DNAH11: variants seen among roughly 807,000 people sequenced by gnomAD.
DNAH11 encodes dynein axonemal heavy chain 11.
A neutral mutation model predicts 526.0 loss-of-function variants in DNAH11; 442 were observed. The ratio of observed to expected loss-of-function variants is 0.84; its 90% confidence interval spans 0.78 to 0.91. The LOEUF is 0.91. Ranked by LOEUF, DNAH11 falls within the 40% of genes least tolerant of loss-of-function variation. The pLI is 0.00. For missense variants in DNAH11, 6,989 were observed against 5,448.7 expected (o/e 1.28, Z -8.90); for synonymous variants, 2,461 against 1,935.9 (o/e 1.27, Z -7.12).
rs776980207 is a variant in DNAH11, at chr7:21,600,042, G to T, written c.2923G>T (p.Glu975Ter). The change falls in exon 15 of 82, where the codon GAA (glutamate) becomes TAA (stop). Residue 975 changes from glutamate (E) to a stop codon, truncating the protein, a stop_gained. Transcript: ENST00000409508. LOFTEE classifies it high-confidence loss of function. ...GGATGGCTTCTATGATCTTGTAGAA[G>T]AAATGTTATGCAATAGTTTTAGAAT... ...AGDGFYDLVE[E>*]MLCNSFRMSA... 6.2e-7 allele frequency: 1 copy of T among 1,610,662 alleles called. No individual in the cohort carries two copies. The highest frequency in any genetic ancestry group is 1.7e-5 in the Admixed American group (1 of 59,812).
chr7:21,840,353 A>G (rs934097502), intron 65 of DNAH11, among the ~76,000 whole-genome samples: 4 of 152,254 alleles, frequency 2.6e-5, no homozygotes, highest in Non-Finnish European at 4.4e-5. Flanking sequence ...TATTTAAAAT[A>G]ATTTCAATTA....
rs532565326 is a variant in DNAH11 at position 21,706,250 on chromosome 7, G to A, written c.6546+713G>A. Among the ~76,000 whole-genome samples the A allele has an allele frequency of 2.0e-5, 3 of 151,944 alleles. No individual in the cohort carries two copies. The South Asian group carries it at 6.3e-4, about 32-fold the overall frequency. The stretch of plus-strand genomic sequence containing the variant: ...CTGCTTGATTTTGTTTGGTCTTACT[G>A]ACAGTCCTGGAAACATACTTATTTT... On this transcript the variant is annotated intron_variant, in intron 39 of 81. Transcript: ENST00000409508.
rs141907350 is a variant in DNAH11, at chr7:21,771,642, G to T, written c.9103-2124G>T. On this transcript the variant is annotated intron_variant, in intron 55 of 81. Coordinates refer to ENST00000409508, the MANE Select transcript of DNAH11 (RefSeq NM_001277115.2). ...TTGAGTTTATAACCATTCGATACTG[G>T]CACTCTGCTTATTTTTATTTTTGCC... is the stretch of plus-strand genomic sequence containing the variant. Among the ~76,000 whole-genome samples, 457 of 152,186 alleles carry T rather than the reference G, an allele frequency of 3.0e-3. 2 individuals carry two copies. Among genetic ancestry groups the T allele is most frequent in the Non-Finnish European group, 5.7e-3 (390 of 68,016 alleles).
chr7:21,543,455 G>A lies in DNAH11; in HGVS notation c.210G>A (p.Leu70=), dbSNP rs1398388466. ...TCGGCGGCCGCCTGGCGATGATGCTGGGGTTCACGGAGGAGAAATGGAGCC... is the reference window on the plus strand; with the variant it reads ...TCGGCGGCCGCCTGGCGATGATGCTAGGGTTCACGGAGGAGAAATGGAGCC... ...RFLGGRLAMM[L]GFTEEKWSQY... The change falls in exon 1 of 82, where the codon CTG becomes CTA. Residue 70 remains leucine, a synonymous_variant. Coordinates refer to ENST00000409508, the MANE Select transcript of DNAH11 (RefSeq NM_001277115.2). The A allele has an allele frequency of 2.5e-6, 4 of 1,573,784 alleles. No individual in the cohort carries two copies. The highest frequency in any genetic ancestry group is 2.3e-5 in the South Asian group (2 of 85,938).
chr7:21,650,953 T>TAA (rs749284977), intron 28 of DNAH11, among the ~76,000 whole-genome samples: 5,244 of 118,932 alleles, frequency 0.044, 306 homozygotes, highest in African/African-American at 0.16. Context: ...AACTGTTATT[T>TAA]TAAAAAAAAA....
intron 61 of DNAH11, among the ~76,000 whole-genome samples, chr7:21,793,804 A>G (rs1355495036): frequency 6.6e-6 from 1 of 152,176 alleles, no homozygotes. Flanking sequence ...ATTTCAGTCT[A>G]TCCACTTAGA....
Position 21,547,906 on chromosome 7 carries a change from T to C in DNAH11, c.495+2757T>C, listed in dbSNP as rs117132575. Among the ~76,000 whole-genome samples the C allele has an allele frequency of 2.6e-5, 4 of 152,366 alleles. No individual in the cohort carries two copies. The East Asian group carries it at 7.7e-4, about 29-fold the overall frequency. Reference sequence around the variant, plus strand: ...AGGAGAGCAACTTTAATTTGGTCTCTAATAGTAGCAGATTATTTTGCTAGT... The same window carrying C: ...AGGAGAGCAACTTTAATTTGGTCTCCAATAGTAGCAGATTATTTTGCTAGT... On this transcript the variant is annotated intron_variant, in intron 2 of 81. Transcript: ENST00000409508.
Position 21,711,837 on chromosome 7 carries a change from C to T in DNAH11, c.6960C>T (p.Asn2320=). ...CCAGAGCTGGTATTCTGTATGTGAACCCACAAGATCTGGGCTGGAATCCGT... is the reference window on the plus strand; with the variant it reads ...CCAGAGCTGGTATTCTGTATGTGAATCCACAAGATCTGGGCTGGAATCCGT... The part of the protein sequence containing the change: ...TVSRAGILYV[N]PQDLGWNPYV... The change falls in exon 42 of 82, where the codon AAC becomes AAT. Residue 2320 remains asparagine (N), a synonymous_variant. Transcript: ENST00000409508. 6.2e-7 allele frequency: 1 copy of T among 1,613,468 alleles called. No homozygotes were observed. Among genetic ancestry groups the T allele is most frequent in the Non-Finnish European group, 8.5e-7 (1 of 1,179,640 alleles).
chr7:21,616,206 C>T lies in DNAH11; in HGVS notation c.4012-3C>T, dbSNP rs1216609671. The T allele has an allele frequency of 3.1e-6, 5 of 1,612,834 alleles. No homozygotes were observed. Among genetic ancestry groups the T allele is most frequent in the East Asian group, 2.2e-5 (1 of 44,856 alleles). On this transcript the variant is annotated splice_polypyrimidine_tract_variant and splice_region_variant and intron_variant, in intron 21 of 81. Transcript: ENST00000409508. ...ACACTTTTATCTGCTTTTGCGTTTTCAGAGAAGCATTGATAATTGGACTAA... is the reference window on the plus strand; with the variant it reads ...ACACTTTTATCTGCTTTTGCGTTTTTAGAGAAGCATTGATAATTGGACTAA...
chr7:21,543,937 G>A (rs1026730517), intron 1 of DNAH11, among the ~76,000 whole-genome samples: 2 of 152,150 alleles, frequency 1.3e-5, no homozygotes, highest in Non-Finnish European at 2.9e-5. Context: ...TTGCGTTTCA[G>A]TTGCTCTTGG....
intron 25 of DNAH11, 33 bp from the exon 26 acceptor site, chr7:21,635,838 G>A (rs776892224): frequency 1.9e-6 from 3 of 1,543,340 alleles, no homozygotes; most frequent in Non-Finnish European, 2.6e-6. Flanking sequence ...ACTAAATTTA[G>A]CTACTATTTA....
chr7:21,563,966 A>G (rs1783562613), intron 5 of DNAH11, among the ~76,000 whole-genome samples: 1 of 152,180 alleles, frequency 6.6e-6, no homozygotes, highest in African/African-American at 2.4e-5. Context: ...GTGGGTAACT[A>G]GATCAGTGCT....
intron 2 of DNAH11, among the ~76,000 whole-genome samples, chr7:21,549,324 CACTT>C (rs1442416351): frequency 6.6e-6 from 1 of 152,196 alleles, no homozygotes; most frequent in East Asian, 1.9e-4. Context: ...ACATGCATAA[CACTT>C]ACTCTTGTTG....
intron 30 of DNAH11, among the ~76,000 whole-genome samples, chr7:21,675,834 C>T (rs1768457568): frequency 6.6e-6 from 1 of 152,018 alleles, no homozygotes; most frequent in African/African-American, 2.4e-5. Context: ...ATAGGATACT[C>T]ATAAGTTCCA....
At chr7:21,828,949 C>G (rs1355803763) in intron 65 of DNAH11, among the ~76,000 whole-genome samples, 1 of 151,984 alleles carries the variant, frequency 6.6e-6, no homozygotes, top group Non-Finnish European at 1.5e-5. Context: ...CCTTCTTTTC[C>G]TTGAGCGTCT....
chr7:21,779,219 A>G, intron 57 of DNAH11, 115 bp downstream of exon 57: 1 of 1,297,326 alleles, frequency 7.7e-7, no homozygotes. Context: ...CTAAAGAATT[A>G]TTATAGTTAC....
intron 22 of DNAH11, 69 bp from the exon 23 acceptor site, chr7:21,617,550 G>A (rs541708563): frequency 1.8e-5 from 28 of 1,543,552 alleles, no homozygotes; most frequent in Admixed American, 3.8e-5. Flanking sequence ...ATATGTCAAA[G>A]GAGGCAAATT....
chr7:21,856,440 T>C (rs1782852547), intron 68 of DNAH11, among the ~76,000 whole-genome samples: 1 of 152,160 alleles, frequency 6.6e-6, no homozygotes, highest in African/African-American at 2.4e-5. Context: ...AGTTTGAAAG[T>C]AACCATGTGT....
chr7:21,774,168 G>A (rs1258747883), intron 56 of DNAH11, among the ~76,000 whole-genome samples, 169 bp downstream of exon 56: 2 of 152,132 alleles, frequency 1.3e-5, no homozygotes, highest in Non-Finnish European at 2.9e-5. Context: ...CCTACAATGG[G>A]ATTGGCCGAC....
Sources: gnomAD v4.1 joint callset for allele counts (sites outside exome capture counted in the v4.1 genomes callset) on GRCh38, gnomAD v4.1.1 for gene constraint, MANE v1.5 for transcripts, NCBI Gene and HGNC (gene_info 2026-07-23, HGNC 2026-07-21) for gene names.